Variants in GRM8 observed in about 807,000 individuals in gnomAD.
GRM8 encodes metabotropic glutamate receptor 8.
In GRM8, 47 loss-of-function variants were observed where a neutral mutation model predicts 87.2. The observed-to-expected ratio is 0.54, with a 90% CI of 0.43 to 0.69. The LOEUF (loss-of-function observed/expected upper bound fraction) is 0.69. GRM8 is among the 30% of genes least tolerant of loss of function. The probability of loss-of-function intolerance (pLI) is 0.00; values close to 1 mark genes in which losing one functional copy is unlikely to be tolerated. For missense variants in GRM8, 1,019 were observed against 1,139.2 expected, an observed-to-expected ratio of 0.89 and a Z score of 1.52; for synonymous variants, 396 against 404.5, an observed-to-expected ratio of 0.98 and a Z score of 0.25.
At chr7:126,756,493 T>A (rs1817020892) in intron 7 of GRM8, among the ~76,000 whole-genome samples, 1 of 151,948 alleles carries the variant, frequency 6.6e-6, no homozygotes, top group Admixed American at 6.6e-5. Context: ...AGCCACAGAC[T>A]GGGAGAAAAT....
At chr7:126,594,488 G>A (rs1394673390) in intron 8 of GRM8, among the ~76,000 whole-genome samples, 2 of 152,068 alleles carry the variant, frequency 1.3e-5, no homozygotes, top group Non-Finnish European at 2.9e-5. Context: ...GCCAGGTACA[G>A]AAAGATAAAT....
At chr7:127,140,448 A>C (rs2237793) in intron 2 of GRM8, among the ~76,000 whole-genome samples, 5,128 of 152,260 alleles carry the variant, frequency 0.034, 120 homozygotes, top group South Asian at 0.1. Context: ...TAATATTTCT[A>C]CACTACAATG....
At chr7:126,458,022 C>CA (rs536344446) in intron 9 of GRM8, among the ~76,000 whole-genome samples, 60,638 of 136,098 alleles carry the variant, frequency 0.45, 12,718 homozygotes, top group Middle Eastern at 0.6. Flanking sequence ...TGTTGTTAGC[C>CA]AAAAAAAAAA....
At chr7:127,013,421 C>A (rs11563791) in intron 3 of GRM8, among the ~76,000 whole-genome samples, 38,641 of 151,614 alleles carry the variant, frequency 0.25, 5,844 homozygotes, top group Non-Finnish European at 0.35. Flanking sequence ...TGGCTACTAC[C>A]TAATCCACAA....
At chr7:126,661,308 C>A (rs933818132) in intron 7 of GRM8, among the ~76,000 whole-genome samples, 3 of 151,008 alleles carry the variant, frequency 2.0e-5, no homozygotes, top group Admixed American at 2.0e-4. Context: ...CTACAATATA[C>A]CTACACAAAT....
At chr7:126,716,061 C>T (rs1235514881) in intron 7 of GRM8, among the ~76,000 whole-genome samples, 1 of 152,092 alleles carries the variant, frequency 6.6e-6, no homozygotes, top group African/African-American at 2.4e-5. Flanking sequence ...TATTTGCATC[C>T]TCTAGAGCAG....
intron 9 of GRM8, among the ~76,000 whole-genome samples, chr7:126,530,614 A>G (rs1343029383): frequency 6.6e-6 from 1 of 152,228 alleles, no homozygotes; most frequent in Non-Finnish European, 1.5e-5. Context: ...AGCTGTAGTA[A>G]ACAATTCAAG....
chr7:126,621,487 C>A (rs555434992), intron 7 of GRM8, among the ~76,000 whole-genome samples: 1 of 152,222 alleles, frequency 6.6e-6, no homozygotes, highest in Admixed American at 6.5e-5. Context: ...GGCTCCATCT[C>A]GGCTCACTGC....
At chr7:127,067,169 G>T (rs1821194162) in intron 3 of GRM8, among the ~76,000 whole-genome samples, 1 of 152,098 alleles carries the variant, frequency 6.6e-6, no homozygotes, top group Non-Finnish European at 1.5e-5. Context: ...CTTCATCTTT[G>T]TTGACCACCT....
chr7:127,111,059 C>A (rs1826298395), intron 2 of GRM8: 3 of 152,210 alleles, frequency 2.0e-5, no homozygotes, highest in African/African-American at 7.2e-5. Context: ...AACTTTAAGT[C>A]TTCCGTGCAG....
intron 2 of GRM8, among the ~76,000 whole-genome samples, chr7:127,185,230 G>T (rs752270241): frequency 2.0e-5 from 3 of 151,872 alleles, no homozygotes; most frequent in Non-Finnish European, 4.4e-5. Flanking sequence ...CAATAATCAA[G>T]GCAATGTCGT....
chr7:126,550,167 T>G (rs1047403288), intron 8 of GRM8, among the ~76,000 whole-genome samples: 1 of 151,986 alleles, frequency 6.6e-6, no homozygotes, highest in African/African-American at 2.4e-5. Context: ...CAGGCTGGAG[T>G]GCAGTGGAGT....
intron 8 of GRM8, among the ~76,000 whole-genome samples, chr7:126,536,446 C>T (rs1815735046): frequency 6.6e-6 from 1 of 152,128 alleles, no homozygotes; most frequent in Non-Finnish European, 1.5e-5. Flanking sequence ...GTAGATGCTA[C>T]TTCATCTGTC....
At chr7:127,024,565 G>C (rs1490558197) in intron 3 of GRM8, among the ~76,000 whole-genome samples, 1 of 152,008 alleles carries the variant, frequency 6.6e-6, no homozygotes, top group Non-Finnish European at 1.5e-5. Flanking sequence ...TAACACACAA[G>C]AGACGACATC....
Position 126,550,067 on chromosome 7 carries a change from G to A in GRM8, c.1495-16180C>T, listed in dbSNP as rs144515504. Among the ~76,000 whole-genome samples the A allele has an allele frequency of 2.2e-3, 341 of 151,896 alleles. 4 individuals carry two copies. Among genetic ancestry groups the A allele is most frequent in the African/African-American group, 7.9e-3 (328 of 41,512 alleles). On this transcript the variant is annotated intron_variant, in intron 8 of 10. Transcript: ENST00000339582. ...ATAAAAAAAAAACTGTTAGAAAAATGACAAATTGACAAGTTCCAGAGTAGA... is the reference window on the plus strand; with the variant it reads ...ATAAAAAAAAAACTGTTAGAAAAATAACAAATTGACAAGTTCCAGAGTAGA...
chr7:126,642,343 A>T, intron 7 of GRM8, among the ~76,000 whole-genome samples: 1 of 152,186 alleles, frequency 6.6e-6, no homozygotes, highest in Admixed American at 6.5e-5. Context: ...GTCATCAAAA[A>T]AGATGATACT....
chr7:127,200,775 T>C, intron 2 of GRM8, among the ~76,000 whole-genome samples: 1 of 152,226 alleles, frequency 6.6e-6, no homozygotes, highest in Non-Finnish European at 1.5e-5. Context: ...TTAGGGCCCA[T>C]CTTAATGTGG....
intron 6 of GRM8, among the ~76,000 whole-genome samples, chr7:126,813,112 G>T (rs544478804): frequency 3.3e-5 from 5 of 152,004 alleles, no homozygotes; most frequent in Non-Finnish European, 7.4e-5. Context: ...AAACCCCTAT[G>T]ACCCAGGTTT....
At chr7:126,754,665 A>G (rs924330364) in intron 7 of GRM8, among the ~76,000 whole-genome samples, 1 of 151,776 alleles carries the variant, frequency 6.6e-6, no homozygotes, top group Admixed American at 6.6e-5. Context: ...TATTTCTTCT[A>G]TTTCTATATA....
Sources: allele counts gnomAD v4.1 joint callset (sites outside exome capture counted in the v4.1 genomes callset), GRCh38; gene constraint gnomAD v4.1.1; transcripts MANE v1.5; gene names NCBI Gene and HGNC (gene_info 2026-07-23, HGNC 2026-07-21).